MYO16: variants seen among roughly 807,000 people sequenced by gnomAD.
MYO16 encodes the protein myosin XVI, also known as unconventional myosin-XVI.
MYO16 carries 94 observed loss-of-function variants against 205.3 expected under a neutral mutation model. The observed-to-expected ratio is 0.46, with a 90% CI of 0.39 to 0.54. MYO16 has a LOEUF of 0.54. Ranked by LOEUF, MYO16 falls within the 20% of genes least tolerant of loss-of-function variation. MYO16 has a pLI of 0.00. For synonymous variants in MYO16, 988 were observed against 954.0 expected, an observed-to-expected ratio of 1.04 and a Z score of -0.66; for missense variants, 2,315 against 2,387.5, an observed-to-expected ratio of 0.97 and a Z score of 0.63.
At chr13:109,060,351 G>T in intron 27 of MYO16, among the ~76,000 whole-genome samples, 1 of 152,096 alleles carries the variant, frequency 6.6e-6, no homozygotes, top group East Asian at 1.9e-4. Flanking sequence ...GGATGAAGCT[G>T]GAACCCATCA....
At chr13:108,931,198 A>G (rs1042569828) in intron 16 of MYO16, among the ~76,000 whole-genome samples, 3 of 152,018 alleles carry the variant, frequency 2.0e-5, no homozygotes, top group Non-Finnish European at 4.4e-5. Context: ...AAAAAATTCT[A>G]AAACCACTGC....
the MYO16 span, among the ~76,000 whole-genome samples, chr13:108,527,368 C>A: frequency 0.092 from 13,979 of 151,902 alleles, 829 homozygotes; most frequent in East Asian, 0.23. Flanking sequence ...CAAAATTTTT[C>A]TTGTTTTTTA....
chr13:108,889,615 TC>T (rs1880066923), intron 14 of MYO16, among the ~76,000 whole-genome samples: 1 of 152,186 alleles, frequency 6.6e-6, no homozygotes, highest in South Asian at 2.1e-4. Context: ...TCTAGGGGCC[TC>T]TACCTAGAGA....
At chr13:108,783,634 G>T (rs958890084) in intron 4 of MYO16, among the ~76,000 whole-genome samples, 1 of 152,176 alleles carries the variant, frequency 6.6e-6, no homozygotes, top group Non-Finnish European at 1.5e-5. Flanking sequence ...AACTTGAATT[G>T]TATCTCCCAG....
chr13:108,719,116 A>C (rs1884061856), intron 3 of MYO16, among the ~76,000 whole-genome samples: 1 of 152,040 alleles, frequency 6.6e-6, no homozygotes, highest in South Asian at 2.1e-4. Context: ...TGTAATAAGG[A>C]CCCCAAATTA....
intron 27 of MYO16, among the ~76,000 whole-genome samples, chr13:109,073,695 A>C (rs1302325656): frequency 6.6e-6 from 1 of 152,208 alleles, no homozygotes; most frequent in East Asian, 1.9e-4. Context: ...ACATTGACCA[A>C]ATAACAGATG....
chr13:109,179,774 C>T, intron 34 of MYO16, 141 bp downstream of exon 34: 2 of 593,352 alleles, frequency 3.4e-6, no homozygotes, highest in South Asian at 4.7e-5. Flanking sequence ...ACTCCTTCAG[C>T]TGAATGGTCT....
intron 27 of MYO16, among the ~76,000 whole-genome samples, chr13:109,091,750 T>C (rs549364939): frequency 1.3e-5 from 2 of 152,342 alleles, no homozygotes; most frequent in Non-Finnish European, 2.9e-5. Context: ...ACTCCTACGA[T>C]ATTCCATTTT....
intron 10 of MYO16, 97 bp downstream of exon 10, chr13:108,844,590 T>G: frequency 7.9e-7 from 1 of 1,263,446 alleles, no homozygotes; most frequent in Non-Finnish European, 1.1e-6. Flanking sequence ...CGCACTAATT[T>G]GCATTCAAAG....
At chr13:109,038,191 T>C (rs778230711) in intron 23 of MYO16, among the ~76,000 whole-genome samples, 1 of 152,230 alleles carries the variant, frequency 6.6e-6, no homozygotes, top group Non-Finnish European at 1.5e-5. Flanking sequence ...GATTAACTTA[T>C]GTGTCGGTTT....
At chr13:109,181,733 G>A (rs762445585) in intron 34 of MYO16, among the ~76,000 whole-genome samples, 16 of 150,710 alleles carry the variant, frequency 1.1e-4, no homozygotes, top group Admixed American at 2.6e-4. Flanking sequence ...CATATGTTCC[G>A]TTTCTGAGAA....
At chr13:108,786,586 C>T (rs931069212) in intron 5 of MYO16, among the ~76,000 whole-genome samples, 1 of 152,160 alleles carries the variant, frequency 6.6e-6, no homozygotes, top group Non-Finnish European at 1.5e-5. Flanking sequence ...CCTCATTGTT[C>T]CCTTGTGCTC....
chr13:108,755,234 T>C (rs900930177), intron 4 of MYO16, among the ~76,000 whole-genome samples: 1 of 149,590 alleles, frequency 6.7e-6, no homozygotes, highest in Non-Finnish European at 1.5e-5. Flanking sequence ...GCAGAGAATA[T>C]GTGAGAGATT....
intron 2 of MYO16, among the ~76,000 whole-genome samples, chr13:108,690,290 A>G (rs1369681306): frequency 2.9e-5 from 2 of 68,706 alleles, no homozygotes; most frequent in Non-Finnish European, 5.5e-5. Context: ...CCTTTGCACA[A>G]AATTAAAATT....
intron 4 of MYO16, among the ~76,000 whole-genome samples, chr13:108,753,162 G>GTC (rs1399548250): frequency 1.3e-5 from 2 of 151,020 alleles, no homozygotes; most frequent in Non-Finnish European, 2.9e-5. Context: ...GAGGTCAGCA[G>GTC]TTCGAGACCA....
At chr13:108,726,284 G>T (rs1884332483) in intron 3 of MYO16, among the ~76,000 whole-genome samples, 1 of 152,162 alleles carries the variant, frequency 6.6e-6, no homozygotes, top group African/African-American at 2.4e-5. Flanking sequence ...CGTAAGGCTG[G>T]GTGTGGTGGT....
chr13:109,184,117 C>A (rs1879573060), intron 34 of MYO16, among the ~76,000 whole-genome samples: 1 of 152,066 alleles, frequency 6.6e-6, no homozygotes, highest in South Asian at 2.1e-4. Context: ...TTAGTTTAAT[C>A]ATTAAACGAT....
intron 1 of MYO16, among the ~76,000 whole-genome samples, chr13:108,611,574 A>AT (rs1879172961): frequency 6.6e-6 from 1 of 152,162 alleles, no homozygotes. Flanking sequence ...AGAATAAATA[A>AT]TGTTGGTTCT....
intron 1 of MYO16, among the ~76,000 whole-genome samples, chr13:108,636,268 C>A (rs1880221045): frequency 6.7e-6 from 1 of 150,280 alleles, no homozygotes; most frequent in African/African-American, 2.4e-5. Flanking sequence ...TCATGACAGT[C>A]TTAGATATTC....
Sources: allele counts gnomAD v4.1 joint callset (sites outside exome capture counted in the v4.1 genomes callset), GRCh38; gene constraint gnomAD v4.1.1; transcripts MANE v1.5; gene names NCBI Gene and HGNC (gene_info 2026-07-23, HGNC 2026-07-21).